The following HAUS6 variants were observed in gnomAD, a reference collection of about 807,000 sequenced individuals.
HAUS6 encodes the protein HAUS augmin-like complex subunit 6.
In HAUS6, 80 loss-of-function variants were observed where a neutral mutation model predicts 106.8. The ratio of observed to expected loss-of-function variants is 0.75; its 90% CI spans 0.63 to 0.90. HAUS6 has a LOEUF of 0.90. Ranked by LOEUF, HAUS6 falls within the 40% of genes least tolerant of loss-of-function variation. The pLI, the probability that HAUS6 is intolerant of heterozygous loss-of-function variation, is 0.00. For missense variants in HAUS6, 1,155 were observed against 1,118.1 expected, an observed-to-expected ratio of 1.03 and a Z score of -0.47; for synonymous variants, 356 against 379.1, an observed-to-expected ratio of 0.94 and a Z score of 0.71.
rs117104512 is a variant in HAUS6, at chr9:19,100,254, C to T, written c.128+2270G>A. 1.6e-4 allele frequency among the ~76,000 whole-genome samples: 25 copies of T among 152,178 alleles called. No individual in the cohort carries two copies. The East Asian group carries it at 3.5e-3, about 21-fold the overall frequency. ...GCAGGCACCTGTAATTCCAGCTATT[C>T]GGGAGGCTGAAGTGGAAGGAAGGAT... On this transcript the variant is annotated intron_variant, in intron 1 of 16. Transcript: ENST00000380502.
intron 10 of HAUS6, among the ~76,000 whole-genome samples, chr9:19,077,285 A>T (rs1837030682): frequency 6.6e-6 from 1 of 152,250 alleles, no homozygotes; most frequent in Non-Finnish European, 1.5e-5. Flanking sequence ...CCATAATCCC[A>T]GCACTTTGGG....
intron 4 of HAUS6, 88 bp downstream of exon 4, chr9:19,093,083 T>C (rs897516216): frequency 1.1e-6 from 1 of 947,742 alleles, no homozygotes; most frequent in Non-Finnish European, 1.6e-6. Flanking sequence ...ACCTTGATTT[T>C]ACTAAGATCT....
At chr9:19,068,467 T>A (rs1836814401) in intron 12 of HAUS6, among the ~76,000 whole-genome samples, 1 of 152,184 alleles carries the variant, frequency 6.6e-6, no homozygotes, top group Admixed American at 6.5e-5. Context: ...CTTCCACAAC[T>A]AGTCCTGACT....
intron 1 of HAUS6, among the ~76,000 whole-genome samples, chr9:19,097,822 T>C (rs898480266): frequency 1.4e-5 from 2 of 147,760 alleles, no homozygotes; most frequent in African/African-American, 4.9e-5. Context: ...TTTAAGAAAA[T>C]GTCACACAAC....
chr9:19,079,360 T>A lies in HAUS6; in HGVS notation c.1065-1058A>T, dbSNP rs545150397. 1.9e-3 allele frequency among the ~76,000 whole-genome samples: 290 copies of A among 151,296 alleles called. 1 individual carries two copies. Among genetic ancestry groups the A allele is most frequent in the Non-Finnish European group, 3.2e-3 (219 of 67,828 alleles). On this transcript the variant is annotated intron_variant, in intron 9 of 16. Coordinates refer to ENST00000380502, the MANE Select transcript of HAUS6 (RefSeq NM_017645.5). ...GATTCTCCTGCCTCTGCCTACTAAGTAGCTGGGATTACAGGCGCACGCCAC... is the reference window on the plus strand; with the variant it reads ...GATTCTCCTGCCTCTGCCTACTAAGAAGCTGGGATTACAGGCGCACGCCAC...
intron 4 of HAUS6, chr9:19,089,782 C>T: frequency 1.9e-6 from 1 of 524,978 alleles, no homozygotes; most frequent in East Asian, 3.2e-5. Context: ...CTAACAACTC[C>T]CCAAAAGCTA....
chr9:19,091,277 G>C lies in HAUS6; in HGVS notation c.437-1718C>G, dbSNP rs534483239. ...ATCGCGCCACCGCACTCCAGCTTGG[G>C]CAACAGAGTGAGACTTCGTCTGCGA... On this transcript the variant is annotated intron_variant, in intron 4 of 16. Coordinates refer to ENST00000380502, the MANE Select transcript of HAUS6 (RefSeq NM_017645.5). Among the ~76,000 whole-genome samples, 18 of 151,254 alleles carry C rather than the reference G, an allele frequency of 1.2e-4. No individual in the cohort carries two copies. In the East Asian group the frequency reaches 3.5e-3, roughly 29 times the overall value.
At chr9:19,060,337 G>C (rs966174624) in intron 14 of HAUS6, 114 bp from the exon 15 acceptor site, 13 of 744,086 alleles carry the variant, frequency 1.7e-5, no homozygotes, top group Non-Finnish European at 2.7e-5. Flanking sequence ...TCCCATTGCA[G>C]ACAACACAAA....
rs1190062728 is a variant in HAUS6 at position 19,093,174 on chromosome 9, T to C, written c.433A>G (p.Lys145Glu). 5.2e-6 allele frequency: 8 copies of C among 1,540,602 alleles called. No homozygotes were observed. The highest frequency in any genetic ancestry group is 1.9e-4 in the Middle Eastern group (1 of 5,160). ...VAMKYIKSNSKNSSHHFVETF... is the reference protein window; with the variant it reads ...VAMKYIKSNSENSSHHFVETF... ...ATCTTTTATAAGTTGAACTTACTTT[T>C]AGAATTGGATTTAATATATTTCATT... The change falls in exon 4 of 17, where the codon AAA becomes GAA. Residue 145 changes from lysine (K) to glutamate (E), a missense_variant. Coordinates refer to ENST00000380502, the MANE Select transcript of HAUS6 (RefSeq NM_017645.5).
chr9:19,065,961 ACT>A (rs1400509381), intron 12 of HAUS6, among the ~76,000 whole-genome samples: 1 of 145,062 alleles, frequency 6.9e-6, no homozygotes, highest in South Asian at 2.2e-4. Context: ...TTTGAGACAG[ACT>A]CTCACTCTGT....
Position 19,082,910 on chromosome 9 carries a change from C to T in HAUS6, c.833G>A (p.Arg278Lys), listed in dbSNP as rs1837192019. ...DGTNVAINIP[R>K]LLLDKIEKQM... ...TTTCTCAATTTTGTCAAGTAAGAGC[C>T]TTGGAATATTAATAGCAACATTAGT... is the stretch of plus-strand genomic sequence containing the variant. The change falls in exon 8 of 17, where the codon AGG becomes AAG. Residue 278 changes from arginine to lysine, a missense_variant. By Grantham distance (26) the Arg-to-Lys change is conservative. This residue lies in a region of HAUS6 where 761 missense variants were observed against 690.0 expected (regional missense o/e 1.10). Transcript: ENST00000380502. 3.9e-6 allele frequency: 6 copies of T among 1,526,682 alleles called. No homozygotes were observed. Among genetic ancestry groups the T allele is most frequent in the African/African-American group, 1.4e-5 (1 of 70,654 alleles). The allele number at this position is 1,526,682 out of a possible 1,614,324, so 94.6% of individuals were successfully genotyped here. A position where few individuals can be genotyped will look rare whatever the true frequency, so the allele number is the denominator to read the frequency against.
intron 5 of HAUS6, 72 bp downstream of exon 5, chr9:19,089,340 C>G: frequency 1.0e-6 from 1 of 960,392 alleles, no homozygotes; most frequent in Non-Finnish European, 1.6e-6. Flanking sequence ...TGGATTATTT[C>G]TCCTGACATT....
chr9:19,102,443 C>T lies in HAUS6; in HGVS notation c.128+81G>A, dbSNP rs577864132. ...TGCTCAACCAATTCTGATTAATCAA[C>T]CTCCGGGGTCTACAAAAGGGGGAGT... On this transcript the variant is annotated intron_variant, in intron 1 of 16. Coordinates refer to ENST00000380502, the MANE Select transcript of HAUS6 (RefSeq NM_017645.5). The T allele has an allele frequency of 6.2e-6, 9 of 1,451,374 alleles. No homozygotes were observed. The South Asian group carries it at 8.6e-5, about 14-fold the overall frequency. 89.9% of individuals were successfully genotyped at this position (1,451,374 alleles called of 1,614,324 possible).
intron 10 of HAUS6, among the ~76,000 whole-genome samples, 162 bp from the exon 11 acceptor site, chr9:19,076,866 CAG>C (rs1837019496): frequency 6.6e-6 from 1 of 152,154 alleles, no homozygotes; most frequent in Non-Finnish European, 1.5e-5. Flanking sequence ...TTCTTAAAGA[CAG>C]GGTCTCAGTC....
chr9:19,063,428 A>T, intron 13 of HAUS6, 86 bp downstream of exon 13: 1 of 719,114 alleles, frequency 1.4e-6, no homozygotes, highest in Non-Finnish European at 2.3e-6. Context: ...TTAGAAATTA[A>T]ATTTAACTGT....
At chr9:19,069,813 G>C (rs1836849704) in intron 12 of HAUS6, among the ~76,000 whole-genome samples, 1 of 151,734 alleles carries the variant, frequency 6.6e-6, no homozygotes, top group African/African-American at 2.4e-5. Flanking sequence ...AATCAAATTT[G>C]GGTCAGGCAC....
intron 12 of HAUS6, 77 bp from the exon 13 acceptor site, chr9:19,063,657 T>C: frequency 1.0e-6 from 1 of 978,764 alleles, no homozygotes; most frequent in Admixed American, 1.7e-5. Flanking sequence ...TATTCTAAAA[T>C]CTGTCTGCCC....
chr9:19,057,932 G>A (rs374517172), intron 16 of HAUS6, 29 bp downstream of exon 16: 3 of 1,342,112 alleles, frequency 2.2e-6, no homozygotes, highest in African/African-American at 1.5e-5. Context: ...TTCAACAGGT[G>A]AATATGCATA....
intron 1 of HAUS6, among the ~76,000 whole-genome samples, chr9:19,097,767 T>TA (rs570246354): frequency 0.15 from 20,141 of 137,934 alleles, 1,392 homozygotes; most frequent in Admixed American, 0.19. Context: ...AAACAAAGCC[T>TA]AAAAAAAAAA....
Sources: gnomAD v4.1 joint callset for allele counts (sites outside exome capture counted in the v4.1 genomes callset) on GRCh38, gnomAD v4.1.1 for gene constraint, gnomAD v4.1.1 regional missense constraint, MANE v1.5 for transcripts, NCBI Gene and HGNC (gene_info 2026-07-23, HGNC 2026-07-21) for gene names.